AK5: variants seen among roughly 807,000 people sequenced by gnomAD.
AK5 encodes the protein adenylate kinase 5, also known as adenylate kinase isoenzyme 5.
A neutral mutation model predicts 69.5 loss-of-function variants in AK5; 27 were observed. The ratio of observed to expected loss-of-function variants is 0.39; its 90% CI spans 0.29 to 0.54. AK5 has a LOEUF of 0.54. AK5 is among the 20% of genes least tolerant of loss of function. The probability of loss-of-function intolerance (pLI) is 0.71; values close to 1 mark genes in which losing one functional copy is unlikely to be tolerated. For missense variants in AK5, 531 were observed against 700.4 expected, an observed-to-expected ratio of 0.76 and a Z score of 2.73; for synonymous variants, 260 against 244.4, an observed-to-expected ratio of 1.06 and a Z score of -0.60.
At chr1:77,423,273 C>T (rs1404546667) in intron 8 of AK5, among the ~76,000 whole-genome samples, 2 of 147,688 alleles carry the variant, frequency 1.4e-5, no homozygotes, top group Non-Finnish European at 3.0e-5. Flanking sequence ...GTAGGGAGTG[C>T]AGGGTACCTT....
In AK5 at chr1:77,293,824, G is replaced by A. The variant is rs376603067; in HGVS notation, c.279G>A (p.Arg93=). 8.3e-5 allele frequency: 134 copies of A among 1,606,298 alleles called. No homozygotes were observed. Among genetic ancestry groups the A allele is most frequent in the Non-Finnish European group, 1.0e-4 (123 of 1,177,740 alleles). The change falls in exon 3 of 14, where the codon CGG becomes CGA. Residue 93 remains arginine, a synonymous_variant. Coordinates refer to ENST00000354567, the MANE Select transcript of AK5 (RefSeq NM_174858.3). Reference sequence around the variant, plus strand: ...CTGAAAACTCAAACTTTCCATATCGGCGGTATGACCGGCTCCCTCCAATCC... The same window carrying A: ...CTGAAAACTCAAACTTTCCATATCGACGGTATGACCGGCTCCCTCCAATCC... ...VMPENSNFPY[R]RYDRLPPIHQ... is the part of the protein sequence containing the mutation.
chr1:77,451,484 T>C (rs1370262694), intron 8 of AK5, among the ~76,000 whole-genome samples: 1 of 152,230 alleles, frequency 6.6e-6, no homozygotes, highest in Non-Finnish European at 1.5e-5. Context: ...TTCACTGTTA[T>C]AAATAATGCT....
At chr1:77,525,298 A>G (rs1658210825) in intron 12 of AK5, among the ~76,000 whole-genome samples, 1 of 152,242 alleles carries the variant, frequency 6.6e-6, no homozygotes, top group African/African-American at 2.4e-5. Flanking sequence ...TGTTGGAAGA[A>G]TATTTTCTCC....
intron 8 of AK5, among the ~76,000 whole-genome samples, chr1:77,431,697 C>G (rs1651648678): frequency 6.6e-6 from 1 of 152,060 alleles, no homozygotes; most frequent in South Asian, 2.1e-4. Flanking sequence ...TTGTGTCATT[C>G]TAAATAACAG....
chr1:77,292,292 C>A (rs1292158212), intron 2 of AK5, among the ~76,000 whole-genome samples: 1 of 152,174 alleles, frequency 6.6e-6, no homozygotes, highest in African/African-American at 2.4e-5. Flanking sequence ...TAGCCCTTCC[C>A]AGCTCTTTCT....
chr1:77,417,966 A>G (rs1469284362), intron 8 of AK5: 1 of 337,000 alleles, frequency 3.0e-6, no homozygotes, highest in Non-Finnish European at 5.5e-6. Flanking sequence ...TTAACATGGG[A>G]TAGAAATGAG....
rs1652078633 is a variant in AK5 at position 77,438,290 on chromosome 1, G to T, written c.1059+20575G>T. 4.4e-5 allele frequency among the ~76,000 whole-genome samples: 3 copies of T among 68,250 alleles called. No homozygotes were observed. In the Admixed American group the frequency reaches 8.0e-4, roughly 18 times the overall value. The allele number at this position is 68,250 out of a possible 152,430, so 44.8% of individuals were successfully genotyped here. Reference sequence around the variant, plus strand: ...AGCATTTTGTTTTAACCCTATATTTGGTACAAAAAAAAAAAAAAAAAAAAA... The same window carrying T: ...AGCATTTTGTTTTAACCCTATATTTTGTACAAAAAAAAAAAAAAAAAAAAA... On this transcript the variant is annotated intron_variant, in intron 8 of 13. Transcript: ENST00000354567.
At chr1:77,365,400 T>G (rs899779020) in intron 6 of AK5, among the ~76,000 whole-genome samples, 8 of 152,188 alleles carry the variant, frequency 5.3e-5, no homozygotes, top group African/African-American at 1.7e-4. Context: ...AGCCTCAAAC[T>G]CCTGGGTTTG....
intron 5 of AK5, among the ~76,000 whole-genome samples, chr1:77,308,626 TTTTAAAAGGTTA>T (rs1369922828): frequency 1.3e-5 from 2 of 151,952 alleles, no homozygotes; most frequent in African/African-American, 4.8e-5. Flanking sequence ...AGCGATGTGT[TTTTAAAAGGTTA>T]TAGAATTTCG....
chr1:77,550,213 C>A (rs140801930), intron 13 of AK5, among the ~76,000 whole-genome samples: 16 of 152,298 alleles, frequency 1.1e-4, no homozygotes, highest in African/African-American at 3.9e-4. Flanking sequence ...AAAGCATGGG[C>A]AGTTTACAGG....
In AK5 at chr1:77,377,778, G is replaced by A. The variant is rs956861237; in HGVS notation, c.892-33203G>A. ...ATAGTTCCATACTTCTGTGCTTTAA[G>A]AGATGTTCCTTTACATGCCTTGTTT... On this transcript the variant is annotated intron_variant, in intron 6 of 13. Transcript: ENST00000354567. Among the ~76,000 whole-genome samples the A allele has an allele frequency of 4.6e-5, 7 of 152,156 alleles. No homozygotes were observed. In the East Asian group the frequency reaches 1.3e-3, roughly 29 times the overall value.
chr1:77,364,697 G>A (rs1421557952), intron 6 of AK5, among the ~76,000 whole-genome samples: 1 of 152,110 alleles, frequency 6.6e-6, no homozygotes, highest in East Asian at 1.9e-4. Context: ...GCAAATGACA[G>A]GATTTCATTA....
chr1:77,289,264 A>G (rs1658541492), intron 2 of AK5, among the ~76,000 whole-genome samples: 1 of 152,160 alleles, frequency 6.6e-6, no homozygotes, highest in Non-Finnish European at 1.5e-5. Context: ...TCATGGTTGT[A>G]TCTTTAGCCA....
At chr1:77,382,936 G>C (rs1467684636) in intron 6 of AK5, among the ~76,000 whole-genome samples, 1 of 152,114 alleles carries the variant, frequency 6.6e-6, no homozygotes, top group East Asian at 1.9e-4. Flanking sequence ...AGCTTGTTCA[G>C]ACAACCCACT....
intron 5 of AK5, chr1:77,314,979 C>A (rs1660169175): frequency 6.6e-6 from 1 of 151,984 alleles, no homozygotes; most frequent in Admixed American, 6.6e-5. Flanking sequence ...CCTGGAAACA[C>A]AAAGATGAAT....
At chr1:77,293,725 T>C in intron 2 of AK5, 68 bp from the exon 3 acceptor site, 1 of 1,334,004 alleles carries the variant, frequency 7.5e-7, no homozygotes, top group Non-Finnish European at 1.0e-6. Flanking sequence ...TTTTACTAAC[T>C]GTTTAAGTGT....
At chr1:77,547,245 T>A (rs1224482499) in intron 13 of AK5, among the ~76,000 whole-genome samples, 4 of 150,888 alleles carry the variant, frequency 2.7e-5, no homozygotes, top group African/African-American at 2.4e-5. Context: ...AAGTATCATT[T>A]CAACATGTAA....
intron 6 of AK5, among the ~76,000 whole-genome samples, chr1:77,402,181 T>G (rs1649258859): frequency 6.6e-6 from 1 of 152,164 alleles, no homozygotes; most frequent in Non-Finnish European, 1.5e-5. Flanking sequence ...AAATTTTTAT[T>G]CCTAGAAACT....
intron 6 of AK5, among the ~76,000 whole-genome samples, chr1:77,368,260 ATGT>A (rs1557535658): frequency 3.0e-4 from 32 of 105,532 alleles, no homozygotes; most frequent in African/African-American, 1.0e-3. Flanking sequence ...TATAATATAT[ATGT>A]TATATATATG....
Sources: allele counts gnomAD v4.1 joint callset (sites outside exome capture counted in the v4.1 genomes callset), GRCh38; gene constraint gnomAD v4.1.1; transcripts MANE v1.5; gene names NCBI Gene and HGNC (gene_info 2026-07-23, HGNC 2026-07-21).